Variants in MAN2A1 observed in about 807,000 individuals in gnomAD.
The protein encoded by MAN2A1 is mannosidase alpha class 2A member 1, also known as alpha-mannosidase 2.
Under a neutral mutation model 142.6 loss-of-function variants are expected in MAN2A1, and 76 were observed. The observed-to-expected ratio is 0.53, with a 90% CI of 0.44 to 0.65. The LOEUF is 0.65. Among genes scored for constraint, MAN2A1 ranks in the 30% least tolerant of loss-of-function variants. MAN2A1 has a pLI of 0.00. For missense variants in MAN2A1, 1,311 were observed against 1,365.1 expected (o/e 0.96, Z 0.62); for synonymous variants, 559 against 473.2 (o/e 1.18, Z -2.35).
At chr5:109,793,394 T>C (rs1345086382) in intron 12 of MAN2A1, among the ~76,000 whole-genome samples, 2 of 152,182 alleles carry the variant, frequency 1.3e-5, no homozygotes, top group African/African-American at 4.8e-5. Context: ...TGGTATTATA[T>C]GCAACATAGC....
In MAN2A1 at chr5:109,698,004, G is replaced by GC. The variant is rs1270061463; in HGVS notation, c.135+7453dup. 3.9e-5 allele frequency among the ~76,000 whole-genome samples: 6 copies of GC among 152,286 alleles called. No individual in the cohort carries two copies. In the East Asian group the frequency reaches 9.6e-4, roughly 24 times the overall value. On this transcript the variant is annotated intron_variant, in intron 1 of 21. Coordinates refer to ENST00000261483, the MANE Select transcript of MAN2A1 (RefSeq NM_002372.4). ...TTCTCTTCTTTCACCTGAAGGTTTT[G>GC]CACTGTAGGACTGCTCTGGGAAGGA...
intron 16 of MAN2A1, among the ~76,000 whole-genome samples, chr5:109,838,683 C>T (rs903546142): frequency 6.6e-6 from 1 of 152,130 alleles, no homozygotes; most frequent in African/African-American, 2.4e-5. Context: ...CTTTTATGAC[C>T]ATTACAGGTT....
At chr5:109,796,561 C>T (rs920179087) in intron 12 of MAN2A1, among the ~76,000 whole-genome samples, 2 of 144,084 alleles carry the variant, frequency 1.4e-5, no homozygotes, top group African/African-American at 5.4e-5. Context: ...ACTAAATCTG[C>T]CAGAAATAAA....
At chr5:109,850,131 G>C (rs771072394) in intron 19 of MAN2A1, among the ~76,000 whole-genome samples, 1 of 152,040 alleles carries the variant, frequency 6.6e-6, no homozygotes, top group Non-Finnish European at 1.5e-5. Flanking sequence ...CCCTCCTTTG[G>C]ACCATAAACT....
chr5:109,768,582 A>G (rs1753056459), intron 6 of MAN2A1, among the ~76,000 whole-genome samples: 1 of 152,174 alleles, frequency 6.6e-6, no homozygotes, highest in African/African-American at 2.4e-5. Context: ...TATTTTGTTT[A>G]TAAAACAGTG....
Position 109,825,900 on chromosome 5 carries a change from C to CTT in MAN2A1, c.2566+2088_2566+2089dup, listed in dbSNP as rs869069525. On this transcript the variant is annotated intron_variant, in intron 16 of 21. Coordinates refer to ENST00000261483, the MANE Select transcript of MAN2A1 (RefSeq NM_002372.4). The stretch of plus-strand genomic sequence containing the variant: ...TTAGTTTTCTTTCTTTCTTTCCTTC[C>CTT]TTTTTTTTTTTTTTTTTTTTTTTTT... 4.1e-3 allele frequency among the ~76,000 whole-genome samples: 374 copies of CTT among 92,202 alleles called. 34 individuals are homozygous for CTT. Among genetic ancestry groups the CTT allele is most frequent in the African/African-American group, 0.011 (280 of 25,160 alleles). 60.5% of individuals were successfully genotyped at this position (92,202 alleles called of 152,430 possible). A position where few individuals can be genotyped will look rare whatever the true frequency, so the allele number is the denominator to read the frequency against.
intron 3 of MAN2A1, among the ~76,000 whole-genome samples, chr5:109,727,759 A>G (rs942454494): frequency 3.3e-5 from 5 of 152,088 alleles, no homozygotes; most frequent in African/African-American, 1.2e-4. Context: ...TAGTGTTGGT[A>G]TGGTCATCAG....
At chr5:109,849,239 C>T (rs1256960481) in intron 19 of MAN2A1, among the ~76,000 whole-genome samples, 2 of 152,168 alleles carry the variant, frequency 1.3e-5, no homozygotes, top group African/African-American at 4.8e-5. Context: ...TCTTCTACTC[C>T]TCTGGTTTTG....
intron 4 of MAN2A1, among the ~76,000 whole-genome samples, chr5:109,744,352 C>T (rs1440564999): frequency 6.6e-6 from 1 of 151,984 alleles, no homozygotes; most frequent in Non-Finnish European, 1.5e-5. Context: ...CTAGAACTAG[C>T]CAGTCAAGAA....
At chr5:109,734,387 G>T (rs9716397) in intron 4 of MAN2A1, among the ~76,000 whole-genome samples, 1,917 of 151,372 alleles carry the variant, frequency 0.013, 14 homozygotes, top group Non-Finnish European at 0.021. Context: ...CTGCTCTGAT[G>T]TTAGTTATTT....
chr5:109,752,350 C>T (rs1456802683), intron 4 of MAN2A1, among the ~76,000 whole-genome samples: 2 of 152,076 alleles, frequency 1.3e-5, no homozygotes, highest in East Asian at 3.9e-4. Context: ...TAGGTAAATA[C>T]TAATATTAAA....
chr5:109,744,395 G>C (rs1752346394), intron 4 of MAN2A1, among the ~76,000 whole-genome samples: 1 of 152,096 alleles, frequency 6.6e-6, no homozygotes, highest in African/African-American at 2.4e-5. Context: ...GGAATTTTAG[G>C]TTGTGAGAAG....
chr5:109,693,388 A>T lies in MAN2A1; in HGVS notation c.135+2836A>T, dbSNP rs537894321. Among the ~76,000 whole-genome samples the T allele has an allele frequency of 1.5e-4, 22 of 151,460 alleles. No homozygotes were observed. The South Asian group carries it at 4.2e-3, about 29-fold the overall frequency. On this transcript the variant is annotated intron_variant, in intron 1 of 21. Transcript: ENST00000261483. The stretch of plus-strand genomic sequence containing the variant: ...GTATTGAATTCTTGAGTTTTAGTAG[A>T]GCCAAGCAGGTCGGTCACTATGTGT...
chr5:109,845,002 G>C (rs777307932), intron 17 of MAN2A1, among the ~76,000 whole-genome samples: 2 of 152,182 alleles, frequency 1.3e-5, no homozygotes, highest in Non-Finnish European at 2.9e-5. Flanking sequence ...GGGTTGCTGG[G>C]AAGATTAAAG....
chr5:109,795,045 A>G (rs933534936), intron 12 of MAN2A1, among the ~76,000 whole-genome samples: 1 of 152,190 alleles, frequency 6.6e-6, no homozygotes, highest in Admixed American at 6.5e-5. Flanking sequence ...AAGGAATTCA[A>G]GGTACCTGCA....
chr5:109,842,407 T>G lies in MAN2A1; in HGVS notation c.2646T>G (p.Ile882Met), dbSNP rs765391439. 1 of 1,586,986 alleles carries G rather than the reference T, an allele frequency of 6.3e-7. No homozygotes were observed. The highest frequency in any genetic ancestry group is 1.1e-5 in the South Asian group (1 of 89,912). The change falls in exon 17 of 22, where the codon ATT (isoleucine) becomes ATG (methionine). Residue 882 changes from isoleucine to methionine, a missense_variant. Transcript: ENST00000261483. The stretch of plus-strand genomic sequence containing the variant: ...ATAACCGTGAGATTGCAATGAAAAT[T>G]TCTTCTGATATAAAAAGCCAAAATA... ...KVYNREIAMK[I>M]SSDIKSQNRF...
intron 16 of MAN2A1, chr5:109,840,535 C>T: frequency 2.0e-6 from 1 of 507,702 alleles, no homozygotes; most frequent in Non-Finnish European, 3.9e-6. Flanking sequence ...TTTCCTTGGA[C>T]ATGGCAGAGC....
chr5:109,867,266 A>G lies in MAN2A1; in HGVS notation c.*268A>G, dbSNP rs1477396783. 2 of 240,258 alleles carry G rather than the reference A, an allele frequency of 8.3e-6. No individual in the cohort carries two copies. Among genetic ancestry groups the G allele is most frequent in the Admixed American group, 5.5e-5 (1 of 18,284 alleles). 14.9% of individuals were successfully genotyped at this position (240,258 alleles called of 1,614,324 possible). A position where few individuals can be genotyped will look rare whatever the true frequency, so the allele number is the denominator to read the frequency against. Reference sequence around the variant, plus strand: ...ATGAATTGATGCAACAAATGAAGAAATATTTAAAGACAGCCTCTCAACAGA... The same window carrying G: ...ATGAATTGATGCAACAAATGAAGAAGTATTTAAAGACAGCCTCTCAACAGA... On this transcript the variant is annotated 3_prime_UTR_variant, in exon 22 of 22. Transcript: ENST00000261483.
chr5:109,801,297 C>T (rs905224525), intron 12 of MAN2A1, among the ~76,000 whole-genome samples: 33 of 152,208 alleles, frequency 2.2e-4, no homozygotes, highest in East Asian at 1.4e-3. Flanking sequence ...ATCTGTGTTT[C>T]GTCCAGAAAG....
Sources: gnomAD v4.1 joint callset for allele counts (sites outside exome capture counted in the v4.1 genomes callset) on GRCh38, gnomAD v4.1.1 for gene constraint, MANE v1.5 for transcripts, NCBI Gene and HGNC (gene_info 2026-07-23, HGNC 2026-07-21) for gene names.